The following PABPN1L variants were observed in gnomAD, a reference collection of about 807,000 sequenced individuals.
The protein encoded by PABPN1L is PABPN1 like, cytoplasmic, also known as embryonic polyadenylate-binding protein 2.
PABPN1L carries 45 observed loss-of-function variants against 34.0 expected under a neutral mutation model. The observed-to-expected ratio is 1.32, with a 90% confidence interval of 1.04 to 1.70. The LOEUF is 1.70. Ranked by LOEUF, PABPN1L falls within the 40% of genes most tolerant of loss-of-function variation. The probability of loss-of-function intolerance (pLI) is 0.00; values close to 1 mark genes in which losing one functional copy is unlikely to be tolerated. For missense variants in PABPN1L, 459 were observed against 367.8 expected (o/e 1.25, Z -2.03); for synonymous variants, 182 against 152.1 (o/e 1.20, Z -1.45).
chr16:88,866,327 C>T lies in PABPN1L; in HGVS notation c.255+25G>A, dbSNP rs1220228416. The T allele has an allele frequency of 3.2e-6, 5 of 1,542,482 alleles. No homozygotes were observed. In the East Asian group the frequency reaches 9.8e-5, roughly 30 times the overall value. ...CCTGTGCCCCAGGTCCCCTGAGATCCCCAGGGCCTCCACACAGCTGTTACC... is the reference window on the plus strand; with the variant it reads ...CCTGTGCCCCAGGTCCCCTGAGATCTCCAGGGCCTCCACACAGCTGTTACC... On this transcript the variant is annotated intron_variant, in intron 1 of 6. Transcript: ENST00000419291.
upstream of PABPN1L, among the ~76,000 whole-genome samples, chr16:88,869,844 C>A (rs1968665380): frequency 6.6e-6 from 1 of 152,244 alleles, no homozygotes; most frequent in African/African-American, 2.4e-5. Flanking sequence ...CTGCCAGCTG[C>A]CTGGCAGGGG....
exon 7 of PABPN1L, chr16:88,863,774 T>C (rs1207771596): frequency 6.5e-7 from 1 of 1,536,008 alleles, no homozygotes; most frequent in Non-Finnish European, 8.7e-7. Flanking sequence ...GTGAAAACCA[T>C]GGTGAGAATT....
At chr16:88,867,881 C>T (rs767747887), upstream of PABPN1L, among the ~76,000 whole-genome samples, 21 of 152,332 alleles carry the variant, frequency 1.4e-4, no homozygotes, top group South Asian at 2.1e-4. Flanking sequence ...TTACCCCTGC[C>T]ATTGGTGGTG....
At chr16:88,866,652 A>G, upstream of PABPN1L, 1 of 1,487,570 alleles carries the variant, frequency 6.7e-7, no homozygotes, top group Non-Finnish European at 9.0e-7. Context: ...CCTCCCCTCC[A>G]CTCCCCTCGC....
exon 7 of PABPN1L, chr16:88,863,373 C>T (rs1436926560): frequency 9.1e-6 from 3 of 329,934 alleles, no homozygotes; most frequent in Admixed American, 4.7e-5. Flanking sequence ...ATTTATGCTT[C>T]ACCATTAAGA....
At chr16:88,867,415 G>A (rs1202739692), upstream of PABPN1L, among the ~76,000 whole-genome samples, 1 of 152,128 alleles carries the variant, frequency 6.6e-6, no homozygotes, top group South Asian at 2.1e-4. Flanking sequence ...CTTTTTAGTA[G>A]AGACAGGGTT....
intron 1 of PABPN1L, 127 bp from the exon 2 acceptor site, chr16:88,866,068 C>A: frequency 7.2e-7 from 1 of 1,390,118 alleles, no homozygotes; most frequent in Non-Finnish European, 9.5e-7. Context: ...TGGACAGGGA[C>A]ACTCCTTCCT....
intron 1 of PABPN1L, 41 bp from the exon 2 acceptor site, chr16:88,865,982 G>T: frequency 1.3e-6 from 2 of 1,573,216 alleles, no homozygotes; most frequent in Non-Finnish European, 1.7e-6. Context: ...CAGCCTGCAG[G>T]CTCTGCTCAA....
At chr16:88,866,744 G>C, upstream of PABPN1L, 2 of 1,228,606 alleles carry the variant, frequency 1.6e-6, no homozygotes, top group African/African-American at 3.1e-5. Flanking sequence ...TGCAAAGGCT[G>C]AGTGGGGCTG....
chr16:88,866,240 C>T (rs1968589726), intron 1 of PABPN1L, 112 bp downstream of exon 1: 4 of 1,437,208 alleles, frequency 2.8e-6, no homozygotes, highest in South Asian at 2.8e-5. Flanking sequence ...TGGGCAATGG[C>T]CCTCTCCCCT....
upstream of PABPN1L, among the ~76,000 whole-genome samples, chr16:88,869,997 G>C (rs1161425611): frequency 6.6e-6 from 1 of 152,208 alleles, no homozygotes; most frequent in Non-Finnish European, 1.5e-5. Context: ...ATCCGTGTGT[G>C]ACCCAACACC....
At chr16:88,866,704 C>G, upstream of PABPN1L, 1 of 1,420,064 alleles carries the variant, frequency 7.0e-7, no homozygotes, top group Non-Finnish European at 9.2e-7. Context: ...TAAGCCCTCC[C>G]CTGAGGCCAG....
chr16:88,864,237 C>A (rs545706965), exon 6 of PABPN1L: 1 of 1,558,172 alleles, frequency 6.4e-7, no homozygotes, highest in East Asian at 2.4e-5. Flanking sequence ...ACCCACTCAC[C>A]GGTTCTGCCC....
chr16:88,868,616 CA>C (rs1188133290), upstream of PABPN1L, among the ~76,000 whole-genome samples: 1 of 151,706 alleles, frequency 6.6e-6, no homozygotes, highest in Non-Finnish European at 1.5e-5. Flanking sequence ...AAAACAAAAA[CA>C]AAAAAACCCA....
chr16:88,866,251 C>T lies in PABPN1L; in HGVS notation c.255+101G>A, dbSNP rs535228170. 43 of 1,463,358 alleles carry T rather than the reference C, an allele frequency of 2.9e-5. No homozygotes were observed. In the South Asian group the frequency reaches 5.4e-4, roughly 18 times the overall value. 90.6% of individuals were successfully genotyped at this position (1,463,358 alleles called of 1,614,324 possible). On this transcript the variant is annotated intron_variant, in intron 1 of 6. Transcript: ENST00000419291. ...CAGGTGGGCAATGGCCCTCTCCCCT[C>T]CTAAGTCAGCTGCAGCCATCCGTCA...
intron 2 of PABPN1L, 71 bp from the exon 3 acceptor site, chr16:88,865,701 C>A: frequency 1.9e-6 from 3 of 1,555,398 alleles, no homozygotes; most frequent in Non-Finnish European, 2.6e-6. Flanking sequence ...GAAGGTCGCC[C>A]AGGCTTATAG....
At chr16:88,864,600 A>G (rs972296228) in intron 5 of PABPN1L, among the ~76,000 whole-genome samples, 24 of 150,914 alleles carry the variant, frequency 1.6e-4, no homozygotes, top group Non-Finnish European at 3.1e-4. Context: ...ACCCCTGCAG[A>G]GGGGGGGGTC....
At chr16:88,864,451 C>T in intron 5 of PABPN1L, 72 bp from the exon 6 acceptor site, 2 of 1,485,304 alleles carry the variant, frequency 1.3e-6, no homozygotes, top group Admixed American at 2.3e-5. Flanking sequence ...CCGCAGCCCC[C>T]ACCACCCCGG....
At chr16:88,867,700 C>A (rs28363925), upstream of PABPN1L, among the ~76,000 whole-genome samples, 4 of 152,080 alleles carry the variant, frequency 2.6e-5, no homozygotes, top group Non-Finnish European at 5.9e-5. Context: ...GGTGTCTGCA[C>A]CTGGCTTCAC....
Sources: gnomAD v4.1 joint callset for allele counts (sites outside exome capture counted in the v4.1 genomes callset) on GRCh38, gnomAD v4.1.1 for gene constraint, MANE v1.5 for transcripts, NCBI Gene and HGNC (gene_info 2026-07-23, HGNC 2026-07-21) for gene names.